Variants in TECRL observed in about 807,000 individuals in gnomAD.
TECRL encodes trans-2,3-enoyl-CoA reductase like.
A neutral mutation model predicts 52.8 loss-of-function variants in TECRL; 63 were observed. The ratio of observed to expected loss-of-function variants is 1.19; its 90% confidence interval spans 0.97 to 1.47. TECRL has a LOEUF of 1.47. TECRL is among the 40% of genes most tolerant of loss of function. TECRL has a pLI of 0.00. For synonymous variants in TECRL, 164 were observed against 141.9 expected, an observed-to-expected ratio of 1.16 and a Z score of -1.10; for missense variants, 482 against 429.6, an observed-to-expected ratio of 1.12 and a Z score of -1.08.
At chr4:64,302,731 C>T (rs1400765509) in intron 7 of TECRL, among the ~76,000 whole-genome samples, 1 of 151,076 alleles carries the variant, frequency 6.6e-6, no homozygotes, top group Non-Finnish European at 1.5e-5. Flanking sequence ...TTTAATGTGG[C>T]AAAGTAAGAT....
intron 9 of TECRL, 146 bp from the exon 10 acceptor site, chr4:64,281,705 C>A: frequency 1.9e-6 from 1 of 523,974 alleles, no homozygotes; most frequent in Non-Finnish European, 3.4e-6. Context: ...TTGCAAATTA[C>A]TCAGAAGAGA....
intron 8 of TECRL, among the ~76,000 whole-genome samples, chr4:64,296,191 A>G (rs1411259895): frequency 6.6e-6 from 1 of 151,896 alleles, no homozygotes; most frequent in African/African-American, 2.4e-5. Flanking sequence ...CATAAATGCC[A>G]AATTTCATAA....
rs565330573 is a variant in TECRL at position 64,360,444 on chromosome 4, C to A, written c.286+14728G>T. On this transcript the variant is annotated intron_variant, in intron 2 of 11. Transcript: ENST00000381210. ...CAAAGGTAAAATGAAAATATACAGA[C>A]AAACTTTAAAATCAAGAGAACATCT... Among the ~76,000 whole-genome samples the A allele has an allele frequency of 5.9e-5, 9 of 152,102 alleles. No homozygotes were observed. The South Asian group carries it at 1.7e-3, about 28-fold the overall frequency.
chr4:64,354,338 A>G (rs1464987674), intron 2 of TECRL, among the ~76,000 whole-genome samples: 4 of 152,218 alleles, frequency 2.6e-5, no homozygotes, highest in Admixed American at 2.6e-4. Flanking sequence ...GTACAGAATA[A>G]TTTGCTTACC....
intron 2 of TECRL, among the ~76,000 whole-genome samples, chr4:64,340,217 T>C (rs1412313299): frequency 6.6e-6 from 1 of 152,092 alleles, no homozygotes; most frequent in African/African-American, 2.4e-5. Flanking sequence ...GGGGCAGGAG[T>C]TCCCTGGGTT....
intron 1 of TECRL, among the ~76,000 whole-genome samples, chr4:64,396,919 C>G (rs1723995809): frequency 6.6e-6 from 1 of 152,108 alleles, no homozygotes; most frequent in African/African-American, 2.4e-5. Flanking sequence ...AAGCCCTTTC[C>G]CCATTGCTTG....
intron 2 of TECRL, among the ~76,000 whole-genome samples, chr4:64,339,965 C>T (rs1186493256): frequency 2.0e-5 from 3 of 152,108 alleles, no homozygotes; most frequent in Non-Finnish European, 4.4e-5. Context: ...TTTACTTTGC[C>T]CTCTTCTCTC....
At chr4:64,398,304 C>T (rs533105160) in intron 1 of TECRL, among the ~76,000 whole-genome samples, 3 of 152,230 alleles carry the variant, frequency 2.0e-5, no homozygotes, top group Non-Finnish European at 2.9e-5. Context: ...CTGCTCAAAT[C>T]TCATGTGAAA....
chr4:64,300,391 A>C (rs1020041955), intron 7 of TECRL, among the ~76,000 whole-genome samples: 6 of 150,964 alleles, frequency 4.0e-5, no homozygotes, highest in Admixed American at 1.3e-4. Flanking sequence ...GAAAATGCTG[A>C]TTATAGTCAT....
intron 4 of TECRL, among the ~76,000 whole-genome samples, chr4:64,317,515 C>G (rs1195102695): frequency 6.6e-6 from 1 of 151,874 alleles, no homozygotes; most frequent in Non-Finnish European, 1.5e-5. Flanking sequence ...TTGTTGAAAA[C>G]AAAATAAAGT....
intron 8 of TECRL, among the ~76,000 whole-genome samples, chr4:64,298,423 A>G (rs187135206): frequency 0.018 from 2,785 of 151,184 alleles, 76 homozygotes; most frequent in Admixed American, 0.076. Context: ...GTCTCTGGGG[A>G]AAAAAAGTAT....
chr4:64,282,676 C>T (rs1722886801), intron 9 of TECRL, among the ~76,000 whole-genome samples: 1 of 151,840 alleles, frequency 6.6e-6, no homozygotes, highest in Non-Finnish European at 1.5e-5. Context: ...GTGTTCAGCC[C>T]CTAGAGGTGT....
Position 64,332,337 on chromosome 4 carries a change from G to A in TECRL, c.287-3781C>T, listed in dbSNP as rs569101874. The stretch of plus-strand genomic sequence containing the variant: ...TAAAGGAAACTAAGCTCAATTTTGA[G>A]TCATCTCCATCCCTGTTTGAATTAA... On this transcript the variant is annotated intron_variant, in intron 2 of 11. Transcript: ENST00000381210. 2.0e-5 allele frequency among the ~76,000 whole-genome samples: 3 copies of A among 152,278 alleles called. No homozygotes were observed. In the East Asian group the frequency reaches 5.8e-4, roughly 29 times the overall value.
At chr4:64,374,068 T>TAGTAGATAC (rs1722192021) in intron 2 of TECRL, among the ~76,000 whole-genome samples, 2 of 96,436 alleles carry the variant, frequency 2.1e-5, no homozygotes, top group Admixed American at 1.1e-4. Context: ...TATATATATA[T>TAGTAGATAC]ATATATATAT....
intron 1 of TECRL, among the ~76,000 whole-genome samples, chr4:64,401,266 T>G (rs1724341982): frequency 6.6e-6 from 1 of 152,324 alleles, no homozygotes; most frequent in Admixed American, 6.5e-5. Context: ...AGCTATACCA[T>G]TTTAATCTCA....
intron 1 of TECRL, among the ~76,000 whole-genome samples, chr4:64,394,649 A>G (rs573516346): frequency 2.6e-5 from 4 of 152,302 alleles, no homozygotes; most frequent in African/African-American, 9.6e-5. Context: ...GGTCTTGAAC[A>G]CAGAGTGTTT....
chr4:64,371,813 C>T (rs1412695873), intron 2 of TECRL, among the ~76,000 whole-genome samples: 1 of 151,648 alleles, frequency 6.6e-6, no homozygotes, highest in East Asian at 1.9e-4. Context: ...CTAATAACCA[C>T]CAATTATGTC....
intron 3 of TECRL, among the ~76,000 whole-genome samples, chr4:64,325,649 T>C (rs1396010360): frequency 6.6e-6 from 1 of 152,176 alleles, no homozygotes; most frequent in Non-Finnish European, 1.5e-5. Context: ...AAGACAATTA[T>C]GTATAAGAAC....
chr4:64,293,628 C>A (rs1723516579), intron 8 of TECRL, among the ~76,000 whole-genome samples: 1 of 151,014 alleles, frequency 6.6e-6, no homozygotes, highest in South Asian at 2.1e-4. Context: ...GGGAGGACAG[C>A]TTGCAATGAT....
Sources: allele counts gnomAD v4.1 joint callset (sites outside exome capture counted in the v4.1 genomes callset), GRCh38; gene constraint gnomAD v4.1.1; transcripts MANE v1.5; gene names NCBI Gene and HGNC (gene_info 2026-07-23, HGNC 2026-07-21).